Variants in PAQR5 observed in about 807,000 individuals in gnomAD.
PAQR5 encodes membrane progestin receptor gamma.
Under a neutral mutation model 34.5 loss-of-function variants are expected in PAQR5, and 20 were observed. That is an observed-to-expected ratio of 0.58 (90% CI 0.41 to 0.84). PAQR5 has a LOEUF of 0.84. Ranked by LOEUF, PAQR5 falls within the 40% of genes least tolerant of loss-of-function variation. PAQR5 has a pLI of 0.00. For missense variants in PAQR5, 378 were observed against 412.7 expected (o/e 0.92, Z 0.73); for synonymous variants, 131 against 155.6 (o/e 0.84, Z 1.18).
rs1458338299 is a variant in PAQR5 at position 69,360,016 on chromosome 15, C to G, written c.-65C>G. ...AGAGACGCCCCAGGCCATGTTAGAGCTTTGAGTGAGGCCTGGTAACAGGGA... is the reference window on the plus strand; with the variant it reads ...AGAGACGCCCCAGGCCATGTTAGAGGTTTGAGTGAGGCCTGGTAACAGGGA... On this transcript the variant is annotated 5_prime_UTR_variant, in exon 3 of 9. Transcript: ENST00000395407. The G allele has an allele frequency of 7.6e-7, 1 of 1,317,938 alleles. No homozygotes were observed. Among genetic ancestry groups the G allele is most frequent in the East Asian group, 2.3e-5 (1 of 43,452 alleles). The allele number at this position is 1,317,938 out of a possible 1,614,324, so 81.6% of individuals were successfully genotyped here. A position where few individuals can be genotyped will look rare whatever the true frequency, so the allele number is the denominator to read the frequency against.
At chr15:69,370,749 G>C (rs1352676564) in intron 3 of PAQR5, among the ~76,000 whole-genome samples, 2 of 152,152 alleles carry the variant, frequency 1.3e-5, no homozygotes, top group Admixed American at 6.6e-5. Context: ...TCAATCTCCT[G>C]ACCTCAGGTG....
chr15:69,401,396 T>C (rs1419888411), intron 8 of PAQR5, among the ~76,000 whole-genome samples: 1 of 152,186 alleles, frequency 6.6e-6, no homozygotes, highest in Non-Finnish European at 1.5e-5. Flanking sequence ...TTTTGTTGTG[T>C]CAGAAGGGGT....
At chr15:69,386,216 TCA>T (rs935523183) in intron 5 of PAQR5, among the ~76,000 whole-genome samples, 4 of 146,432 alleles carry the variant, frequency 2.7e-5, no homozygotes, top group Non-Finnish European at 1.5e-5. Flanking sequence ...ATTCACACAC[TCA>T]CACTCTCACA....
At chr15:69,387,047 C>A (rs1265541330) in intron 5 of PAQR5, among the ~76,000 whole-genome samples, 3 of 152,064 alleles carry the variant, frequency 2.0e-5, no homozygotes, top group Non-Finnish European at 2.9e-5. Context: ...AGCGGCACTG[C>A]CCCTTTGTCT....
intron 3 of PAQR5, among the ~76,000 whole-genome samples, chr15:69,372,948 G>A (rs192302293): frequency 1.3e-5 from 2 of 152,290 alleles, no homozygotes; most frequent in East Asian, 3.9e-4. Flanking sequence ...TAGGTTACAA[G>A]TCTGACATGG....
In PAQR5 at chr15:69,387,695, T is replaced by C. The variant is rs560883384; in HGVS notation, c.386-1959T>C. Among the ~76,000 whole-genome samples the C allele has an allele frequency of 1.1e-4, 16 of 152,314 alleles. No individual in the cohort carries two copies. In the East Asian group the frequency reaches 2.7e-3, roughly 26 times the overall value. On this transcript the variant is annotated intron_variant, in intron 5 of 8. Coordinates refer to ENST00000395407, the MANE Select transcript of PAQR5 (RefSeq NM_017705.4). Reference sequence around the variant, plus strand: ...GAGCCAGAGTGAGGACTGAAGCCCATGTGGTCCACCACCAACCTGTCCCCT... The same window carrying C: ...GAGCCAGAGTGAGGACTGAAGCCCACGTGGTCCACCACCAACCTGTCCCCT...
intron 3 of PAQR5, among the ~76,000 whole-genome samples, chr15:69,364,775 G>T (rs1057276154): frequency 6.6e-6 from 1 of 151,124 alleles, no homozygotes; most frequent in African/African-American, 2.4e-5. Context: ...GTCTTGCTCT[G>T]TTACCCAGGC....
At position 69,403,807 on chromosome 15, in the gene PAQR5, TA is replaced by T. The variant is rs1567047320; in HGVS notation, c.984del (p.Glu329LysfsTer38). On this transcript the variant is annotated frameshift_variant, in exon 9 of 9. Transcript: ENST00000395407. LOFTEE classifies it high-confidence loss of function. ...LYRIPKPELH[K>X]KET The stretch of plus-strand genomic sequence containing the variant: ...ATCGGATTCCCAAGCCAGAATTACA[TA>T]AAAAAGAAACATGACTCAGACCATA... 1.2e-6 allele frequency: 2 copies of T among 1,613,826 alleles called. No individual in the cohort carries two copies. Among genetic ancestry groups the T allele is most frequent in the South Asian group, 2.2e-5 (2 of 91,072 alleles).
chr15:69,347,582 G>A (rs929840700), intron 2 of PAQR5, among the ~76,000 whole-genome samples: 1 of 152,096 alleles, frequency 6.6e-6, no homozygotes, highest in African/African-American at 2.4e-5. Context: ...TCTCCCTGGT[G>A]GCCATTACAA....
rs760884571 is a variant in PAQR5, at chr15:69,392,151, TG to T, written c.512+2372del. ...TTGCTGGTTTTATTTTATTTTTTTT[TG>T]TTTTAAGTAGAGACAAGGTTTCGCC... On this transcript the variant is annotated intron_variant, in intron 6 of 8. Coordinates refer to ENST00000395407, the MANE Select transcript of PAQR5 (RefSeq NM_017705.4). The T allele has an allele frequency of 2.2e-3, 347 of 160,070 alleles. 1 individual carries two copies. Among genetic ancestry groups the T allele is most frequent in the Non-Finnish European group, 3.6e-3 (264 of 73,450 alleles). 9.9% of individuals were successfully genotyped at this position (160,070 alleles called of 1,614,324 possible).
chr15:69,395,927 G>A (rs963322806), intron 6 of PAQR5, among the ~76,000 whole-genome samples: 14 of 152,042 alleles, frequency 9.2e-5, no homozygotes, highest in Admixed American at 9.2e-4. Context: ...GGGAGGCTGT[G>A]GGGCTTCTCC....
intron 1 of PAQR5, among the ~76,000 whole-genome samples, chr15:69,324,337 G>C (rs1257889008): frequency 6.6e-6 from 1 of 152,116 alleles, no homozygotes; most frequent in Non-Finnish European, 1.5e-5. Flanking sequence ...GCACAGGAGA[G>C]AGCATTAATG....
At chr15:69,394,872 G>T (rs1478377920) in intron 6 of PAQR5, among the ~76,000 whole-genome samples, 1 of 152,258 alleles carries the variant, frequency 6.6e-6, no homozygotes, top group Non-Finnish European at 1.5e-5. Flanking sequence ...TCTCTCTGTT[G>T]CTGTCTCTCT....
intron 3 of PAQR5, among the ~76,000 whole-genome samples, chr15:69,363,852 A>G (rs923180864): frequency 6.6e-6 from 1 of 152,100 alleles, no homozygotes; most frequent in African/African-American, 2.4e-5. Flanking sequence ...CTGAACCCAG[A>G]CAAATTGCTA....
intron 8 of PAQR5, among the ~76,000 whole-genome samples, chr15:69,402,410 C>G (rs969363364): frequency 2.6e-5 from 4 of 151,942 alleles, no homozygotes; most frequent in African/African-American, 9.7e-5. Context: ...CTCTGCCTCC[C>G]GAGTTCACGC....
intron 3 of PAQR5, among the ~76,000 whole-genome samples, chr15:69,368,113 G>A (rs2055451833): frequency 6.6e-6 from 1 of 152,058 alleles, no homozygotes; most frequent in Non-Finnish European, 1.5e-5. Flanking sequence ...CAGTGCAGTG[G>A]CACTATCTTG....
At chr15:69,312,937 C>T (rs1055037199) in intron 1 of PAQR5, among the ~76,000 whole-genome samples, 7 of 152,124 alleles carry the variant, frequency 4.6e-5, no homozygotes, top group Non-Finnish European at 8.8e-5. Context: ...GGGAAGTTCA[C>T]GAACACATGC....
rs2056706408 is a variant in PAQR5, at chr15:69,403,747, C to T, written c.918C>T (p.Ser306=). 1.2e-6 allele frequency: 2 copies of T among 1,613,954 alleles called. No individual in the cohort carries two copies. The highest frequency in any genetic ancestry group is 3.3e-5 in the Admixed American group (2 of 59,994). Residue 306 remains serine (S), a synonymous_variant, in exon 9 of 9, where the codon AGC becomes AGT. Coordinates refer to ENST00000395407, the MANE Select transcript of PAQR5 (RefSeq NM_017705.4). ...AGAILLCIIF[S]LSNIIYFSAA... is the part of the protein sequence containing the mutation. ...CCATACTTCTGTGCATCATCTTCAG[C>T]CTCAGCAACATAATTTATTTCTCAG...
At chr15:69,325,528 C>A (rs1486275306) in intron 1 of PAQR5, among the ~76,000 whole-genome samples, 1 of 152,176 alleles carries the variant, frequency 6.6e-6, no homozygotes, top group Non-Finnish European at 1.5e-5. Flanking sequence ...GCTTCTTCAT[C>A]CCCATATCTT....
Sources: gnomAD v4.1 joint callset for allele counts (sites outside exome capture counted in the v4.1 genomes callset) on GRCh38, gnomAD v4.1.1 for gene constraint, MANE v1.5 for transcripts, NCBI Gene and HGNC (gene_info 2026-07-23, HGNC 2026-07-21) for gene names.